The following STKLD1 variants were observed in gnomAD, a reference collection of about 807,000 sequenced individuals.
The protein encoded by STKLD1 is serine/threonine kinase like domain containing 1.
In STKLD1, 79 loss-of-function variants were observed where a neutral mutation model predicts 80.4. The observed-to-expected ratio is 0.98, with a 90% CI of 0.82 to 1.19. STKLD1 has a LOEUF of 1.19. STKLD1 is among the 50% of genes most tolerant of loss of function. STKLD1 has a pLI of 0.00. For missense variants in STKLD1, 841 were observed against 856.0 expected, an observed-to-expected ratio of 0.98 and a Z score of 0.22; for synonymous variants, 393 against 357.6, an observed-to-expected ratio of 1.10 and a Z score of -1.12.
rs1432457952 is a variant in STKLD1, at chr9:133,384,130, C to A, written c.219+230C>A. On this transcript the variant is annotated intron_variant, in intron 3 of 17. Coordinates refer to ENST00000371957, the MANE Select transcript of STKLD1 (RefSeq NM_153710.5). This position sits in a 1 kb window ranked among gnomAD's most constrained non-coding sequence, Gnocchi z 4.3. ...GTGCCGACAACTTAGAACATATGTT[C>A]CCAGAGAACATAAAATTTAAATATT... 3.7e-6 allele frequency: 2 copies of A among 547,290 alleles called. No individual in the cohort carries two copies. Among genetic ancestry groups the A allele is most frequent in the East Asian group, 6.1e-5 (2 of 32,572 alleles). 33.9% of individuals were successfully genotyped at this position (547,290 alleles called of 1,614,324 possible). A position where few individuals can be genotyped will look rare whatever the true frequency, so the allele number is the denominator to read the frequency against.
Position 133,376,430 on chromosome 9 carries a change from G to A in STKLD1, c.-44G>A. The A allele has an allele frequency of 1.3e-6, 2 of 1,510,940 alleles. No individual in the cohort carries two copies. The highest frequency in any genetic ancestry group is 1.8e-6 in the Non-Finnish European group (2 of 1,130,582). The allele number at this position is 1,510,940 out of a possible 1,614,324, so 93.6% of individuals were successfully genotyped here. ...CGGGTCCCACTGACCCACGCGGGGT[G>A]GGGCCAGGGGTGGACGCTCGCCCGT... On this transcript the variant is annotated 5_prime_UTR_variant, in exon 1 of 18. Transcript: ENST00000371957.
Position 133,385,737 on chromosome 9 carries a change from C to G in STKLD1, c.294+46C>G. The G allele has an allele frequency of 6.3e-7, 1 of 1,576,128 alleles. No individual in the cohort carries two copies. The highest frequency in any genetic ancestry group is 1.1e-5 in the South Asian group (1 of 90,024). On this transcript the variant is annotated intron_variant, in intron 4 of 17. Transcript: ENST00000371957. This position sits in a 1 kb window ranked among gnomAD's most constrained non-coding sequence, Gnocchi z 4.9. ...ACGGGCTCAGCCGCCACGCAGTGGGCTGCAGGACCAAGCAGACTGAGCCCA... is the reference window on the plus strand; with the variant it reads ...ACGGGCTCAGCCGCCACGCAGTGGGGTGCAGGACCAAGCAGACTGAGCCCA...
chr9:133,385,483 C>T lies in STKLD1; in HGVS notation c.220-134C>T. ...CTGGCTCCCAACCACCGTGCAGCTT[C>T]CCTGAGCCCACTCCCTGGCCCAGCT... On this transcript the variant is annotated intron_variant, in intron 3 of 17. Coordinates refer to ENST00000371957, the MANE Select transcript of STKLD1 (RefSeq NM_153710.5). This position sits in a 1 kb window ranked among gnomAD's most constrained non-coding sequence, Gnocchi z 4.9. 1 of 824,228 alleles carries T rather than the reference C, an allele frequency of 1.2e-6. No individual in the cohort carries two copies. The highest frequency in any genetic ancestry group is 2.0e-6 in the Non-Finnish European group (1 of 510,076). The allele number at this position is 824,228 out of a possible 1,614,324, so 51.1% of individuals were successfully genotyped here. A position where few individuals can be genotyped will look rare whatever the true frequency, so the allele number is the denominator to read the frequency against.
Position 133,390,935 on chromosome 9 carries a change from G to T in STKLD1, c.583+139G>T. The T allele has an allele frequency of 2.9e-6, 2 of 695,666 alleles. No homozygotes were observed. Among genetic ancestry groups the T allele is most frequent in the African/African-American group, 1.8e-5 (1 of 56,492 alleles). 43.1% of individuals were successfully genotyped at this position (695,666 alleles called of 1,614,324 possible). On this transcript the variant is annotated intron_variant, in intron 7 of 17. Transcript: ENST00000371957. The surrounding 1 kb of genome is among the most constrained non-coding windows in gnomAD (Gnocchi z 5.1). ...GGTCCCCACAAAGCCCTGGCCTTGTGTAAACTCCAAAGAGACCTCCTTTGG... is the reference window on the plus strand; with the variant it reads ...GGTCCCCACAAAGCCCTGGCCTTGTTTAAACTCCAAAGAGACCTCCTTTGG...
rs1227807372 is a variant in STKLD1 at position 133,376,441 on chromosome 9, TG to T, written c.-31del. 6.5e-7 allele frequency: 1 copy of T among 1,542,088 alleles called. No homozygotes were observed. The highest frequency in any genetic ancestry group is 2.1e-5 in the Admixed American group (1 of 48,476). ...GACCCACGCGGGGTGGGGCCAGGGG[TG>T]GACGCTCGCCCGTACGCGGTCGCTA... On this transcript the variant is annotated 5_prime_UTR_variant, in exon 1 of 18. Coordinates refer to ENST00000371957, the MANE Select transcript of STKLD1 (RefSeq NM_153710.5).
At chr9:133,383,782 G>T in intron 2 of STKLD1, 74 bp from the exon 3 acceptor site, 1 of 1,405,392 alleles carries the variant, frequency 7.1e-7, no homozygotes, top group Non-Finnish European at 1.0e-6. Context: ...GGTCGTTGTG[G>T]TGGTGGTGAT....
rs895988738 is a variant in STKLD1, at chr9:133,390,144, G to C, written c.468-537G>C. ...TTGAAGCCAGGAGCTTGAGGCTGCA[G>C]TGAGCTATGATCGTGCCACTGCACT... is the stretch of plus-strand genomic sequence containing the variant. On this transcript the variant is annotated intron_variant, in intron 6 of 17. Coordinates refer to ENST00000371957, the MANE Select transcript of STKLD1 (RefSeq NM_153710.5). The surrounding 1 kb of genome is among the most constrained non-coding windows in gnomAD (Gnocchi z 5.1). Among the ~76,000 whole-genome samples, 1 of 151,452 alleles carries C rather than the reference G, an allele frequency of 6.6e-6. No individual in the cohort carries two copies. The highest frequency in any genetic ancestry group is 1.5e-5 in the Non-Finnish European group (1 of 67,956).
chr9:133,382,558 GTGA>G (rs904470180), intron 2 of STKLD1, among the ~76,000 whole-genome samples: 1 of 147,966 alleles, frequency 6.8e-6, no homozygotes, highest in African/African-American at 2.6e-5. Context: ...TGGTGATGGT[GTGA>G]TGATGGTGAT....
In STKLD1 at chr9:133,385,809, A is replaced by C. The variant is rs1838252465; in HGVS notation, c.294+118A>C. The C allele has an allele frequency of 1.1e-6, 1 of 950,110 alleles. No homozygotes were observed. The allele number at this position is 950,110 out of a possible 1,614,324, so 58.9% of individuals were successfully genotyped here. On this transcript the variant is annotated intron_variant, in intron 4 of 17. Transcript: ENST00000371957. This position sits in a 1 kb window ranked among gnomAD's most constrained non-coding sequence, Gnocchi z 4.9. ...TCAGAATAGCTCGTGTGGCAATGGC[A>C]GTGACTGTAAACGTGGCCACCCCTG... is the stretch of plus-strand genomic sequence containing the variant.
intron 12 of STKLD1, among the ~76,000 whole-genome samples, chr9:133,401,296 G>A (rs1588755849): frequency 6.6e-6 from 1 of 151,960 alleles, no homozygotes; most frequent in African/African-American, 2.4e-5. Flanking sequence ...CCACCACCAC[G>A]CCTGGCTAAT....
Position 133,389,313 on chromosome 9 carries a change from A to C in STKLD1, c.397-213A>C. The C allele has an allele frequency of 2.0e-6, 2 of 985,156 alleles. No individual in the cohort carries two copies. The highest frequency in any genetic ancestry group is 2.4e-6 in the Non-Finnish European group (2 of 829,834). 61.0% of individuals were successfully genotyped at this position (985,156 alleles called of 1,614,324 possible). On this transcript the variant is annotated intron_variant, in intron 5 of 17. Transcript: ENST00000371957. This position sits in a 1 kb window ranked among gnomAD's most constrained non-coding sequence, Gnocchi z 6.4. ...GGAGACAGCAGTGTGGAGTCTGGAA[A>C]CTCAGAGTCCTTCTGGCTGCCGCCG...
chr9:133,404,148 G>T lies in STKLD1; in HGVS notation c.1732+100G>T. The T allele has an allele frequency of 2.2e-6, 3 of 1,392,150 alleles. No homozygotes were observed. In the East Asian group the frequency reaches 7.4e-5, roughly 34 times the overall value. 86.2% of individuals were successfully genotyped at this position (1,392,150 alleles called of 1,614,324 possible). A position where few individuals can be genotyped will look rare whatever the true frequency, so the allele number is the denominator to read the frequency against. ...AGGTGCCACAAACCAAAAAACAGAA[G>T]CAACAAATCAAAAAGGAAAAGAAAT... On this transcript the variant is annotated intron_variant, in intron 16 of 17. Coordinates refer to ENST00000371957, the MANE Select transcript of STKLD1 (RefSeq NM_153710.5).
intron 10 of STKLD1, 97 bp downstream of exon 10, chr9:133,397,391 C>G: frequency 6.6e-7 from 1 of 1,516,178 alleles, no homozygotes; most frequent in Non-Finnish European, 8.9e-7. Flanking sequence ...TTATTTATGC[C>G]CCTGGCCTTG....
chr9:133,379,677 G>T (rs1295569526), intron 2 of STKLD1, among the ~76,000 whole-genome samples: 1 of 152,260 alleles, frequency 6.6e-6, no homozygotes, highest in East Asian at 1.9e-4. Context: ...GGCTAGCAGG[G>T]CATGGGGAGG....
chr9:133,396,059 T>TAA, intron 9 of STKLD1: 11 of 204,896 alleles, frequency 5.4e-5, no homozygotes, highest in East Asian at 9.9e-5. Context: ...TCATTCTACA[T>TAA]AAAAAAAAAA....
At chr9:133,404,087 G>A in intron 16 of STKLD1, 39 bp downstream of exon 16, 1 of 1,531,984 alleles carries the variant, frequency 6.5e-7, no homozygotes, top group Non-Finnish European at 8.8e-7. Context: ...ACCTAGAGGT[G>A]GGGGCAAGAA....
At chr9:133,383,233 A>ATGGTGGTG (rs1838182891) in intron 2 of STKLD1, among the ~76,000 whole-genome samples, 1 of 133,732 alleles carries the variant, frequency 7.5e-6, no homozygotes, top group Non-Finnish European at 1.6e-5. Context: ...TGGTGATGAT[A>ATGGTGGTG]GTGATGATGG....
At chr9:133,397,518 G>A (rs989877290) in intron 10 of STKLD1, among the ~76,000 whole-genome samples, 1 of 152,094 alleles carries the variant, frequency 6.6e-6, no homozygotes, top group African/African-American at 2.4e-5. Context: ...ATAACACAAA[G>A]TTCCTCTCCA....
rs984221042 is a variant in STKLD1 at position 133,390,591 on chromosome 9, GCA to G, written c.468-82_468-81del. On this transcript the variant is annotated intron_variant, in intron 6 of 17. Coordinates refer to ENST00000371957, the MANE Select transcript of STKLD1 (RefSeq NM_153710.5). This position sits in a 1 kb window ranked among gnomAD's most constrained non-coding sequence, Gnocchi z 5.1. ...GGCAGGGAGCAGAGAGTCAGGCTCAGCACACACACTGGTCCCACCTGGGGTTG... is the reference window on the plus strand; with the variant it reads ...GGCAGGGAGCAGAGAGTCAGGCTCAGCACACACTGGTCCCACCTGGGGTTG... 3.3e-6 allele frequency: 3 copies of G among 910,102 alleles called. No individual in the cohort carries two copies. Among genetic ancestry groups the G allele is most frequent in the Non-Finnish European group, 5.4e-6 (3 of 552,360 alleles). 56.4% of individuals were successfully genotyped at this position (910,102 alleles called of 1,614,324 possible).
Sources: allele counts gnomAD v4.1 joint callset (sites outside exome capture counted in the v4.1 genomes callset), GRCh38; gene constraint gnomAD v4.1.1; non-coding constraint Gnocchi (gnomAD v3.1); transcripts MANE v1.5; gene names NCBI Gene and HGNC (gene_info 2026-07-23, HGNC 2026-07-21).